The following VAV3 variants were observed in gnomAD, a reference collection of about 807,000 sequenced individuals.
The protein encoded by VAV3 is guanine nucleotide exchange factor VAV3.
In VAV3, 94 loss-of-function variants were observed where a neutral mutation model predicts 131.2. That is an observed-to-expected ratio of 0.72 (90% CI 0.61 to 0.85). VAV3 has a LOEUF of 0.85. Among genes scored for constraint, VAV3 ranks in the 40% least tolerant of loss-of-function variants. The pLI is 0.00. For missense variants in VAV3, 939 were observed against 1,002.7 expected, an observed-to-expected ratio of 0.94 and a Z score of 0.86; for synonymous variants, 349 against 342.0, an observed-to-expected ratio of 1.02 and a Z score of -0.22.
intron 1 of VAV3, among the ~76,000 whole-genome samples, chr1:107,895,403 T>C (rs1188724058): frequency 4.6e-5 from 7 of 152,236 alleles, no homozygotes; most frequent in Non-Finnish European, 1.0e-4. Context: ...TAATAATTAG[T>C]AGAACTAACA....
At chr1:107,738,335 CT>C (rs1172264262) in intron 15 of VAV3, among the ~76,000 whole-genome samples, 7 of 152,024 alleles carry the variant, frequency 4.6e-5, no homozygotes, top group Admixed American at 1.3e-4. Flanking sequence ...CACATGTACC[CT>C]AGAACTTAAA....
intron 20 of VAV3, among the ~76,000 whole-genome samples, chr1:107,630,210 C>G (rs1301645528): frequency 6.6e-6 from 1 of 152,144 alleles, no homozygotes; most frequent in South Asian, 2.1e-4. Context: ...TTCCTTACAT[C>G]ATGGAGGCCT....
chr1:107,745,640 C>T (rs1009459129), intron 15 of VAV3, among the ~76,000 whole-genome samples: 3 of 152,092 alleles, frequency 2.0e-5, no homozygotes, highest in African/African-American at 4.8e-5. Context: ...CATGCTTTTC[C>T]ATGGCCTTAT....
chr1:107,864,362 C>T (rs138444389), intron 2 of VAV3, among the ~76,000 whole-genome samples: 2,417 of 152,236 alleles, frequency 0.016, 47 homozygotes, highest in African/African-American at 0.045. Flanking sequence ...TGGCTCATGC[C>T]TATAATCCAA....
At chr1:107,920,120 C>A (rs984406985) in intron 1 of VAV3, among the ~76,000 whole-genome samples, 18 of 152,122 alleles carry the variant, frequency 1.2e-4, no homozygotes, top group African/African-American at 3.9e-4. Context: ...TACTTTCTTT[C>A]CAGAACATAG....
At chr1:107,859,131 G>A (rs1377003880) in intron 2 of VAV3, among the ~76,000 whole-genome samples, 6 of 149,204 alleles carry the variant, frequency 4.0e-5, no homozygotes, top group Admixed American at 1.3e-4. Flanking sequence ...GTGTCACTCA[G>A]GCTGGAGTAG....
At chr1:107,636,878 C>T (rs890901533) in intron 20 of VAV3, among the ~76,000 whole-genome samples, 1 of 152,134 alleles carries the variant, frequency 6.6e-6, no homozygotes, top group Non-Finnish European at 1.5e-5. Context: ...ACTAACTATA[C>T]TAGCAAAAGA....
At chr1:107,633,397 G>A (rs4915061) in intron 20 of VAV3, among the ~76,000 whole-genome samples, 55,954 of 151,904 alleles carry the variant, frequency 0.37, 10,723 homozygotes, top group East Asian at 0.47. Flanking sequence ...CCACTTATAC[G>A]CACCAAGATC....
chr1:107,768,961 T>C (rs1334876711), intron 6 of VAV3, among the ~76,000 whole-genome samples: 2 of 152,208 alleles, frequency 1.3e-5, no homozygotes, highest in Non-Finnish European at 2.9e-5. Flanking sequence ...ATCTCTTTCA[T>C]TCTCGGCATT....
intron 1 of VAV3, among the ~76,000 whole-genome samples, chr1:107,933,280 TTG>T (rs1673543001): frequency 6.6e-6 from 1 of 151,092 alleles, no homozygotes; most frequent in Admixed American, 6.6e-5. Context: ...GGTGGTTTTT[TTG>T]TGTTTTTTTT....
chr1:107,608,207 A>AAAACT (rs1224674392), intron 22 of VAV3, among the ~76,000 whole-genome samples: 2 of 152,176 alleles, frequency 1.3e-5, no homozygotes, highest in African/African-American at 4.8e-5. Context: ...GGTGCATTTT[A>AAAACT]AAACTAAGGG....
chr1:107,938,094 G>A (rs1028967060), intron 1 of VAV3, among the ~76,000 whole-genome samples: 1 of 152,164 alleles, frequency 6.6e-6, no homozygotes, highest in Non-Finnish European at 1.5e-5. Flanking sequence ...TAACCTTCTT[G>A]GGGAGCCAGG....
At chr1:107,852,157 C>G (rs1409528013) in intron 2 of VAV3, among the ~76,000 whole-genome samples, 1 of 152,076 alleles carries the variant, frequency 6.6e-6, no homozygotes, top group African/African-American at 2.4e-5. Context: ...AAGACTGTAC[C>G]TATACCTTTA....
At chr1:107,626,131 G>T (rs994789500) in intron 20 of VAV3, among the ~76,000 whole-genome samples, 3 of 152,150 alleles carry the variant, frequency 2.0e-5, no homozygotes, top group African/African-American at 7.2e-5. Context: ...AAAAATACAA[G>T]AATTGTTAAC....
rs1649448409 is a variant in VAV3, at chr1:107,574,124, A to T, written c.2425T>A (p.Leu809Met). The change falls in exon 26 of 27, where the codon TTG (leucine) becomes ATG (methionine). Residue 809 changes from leucine (L) to methionine (M), a missense_variant. By Grantham distance (15) the Leu-to-Met change is conservative. Coordinates refer to ENST00000370056, the MANE Select transcript of VAV3 (RefSeq NM_006113.5). ...FCARDMRELS[L>M]LKGDVVKIYT... Reference sequence around the variant, plus strand: ...ATCTTCACCACATCTCCTTTCAACAAGGACAACTCTCTCATATCTCTTGCA... The same window carrying T: ...ATCTTCACCACATCTCCTTTCAACATGGACAACTCTCTCATATCTCTTGCA... 2 of 1,614,134 alleles carry T rather than the reference A, an allele frequency of 1.2e-6. No individual in the cohort carries two copies. The highest frequency in any genetic ancestry group is 3.3e-5 in the Admixed American group (2 of 60,016).
At chr1:107,622,028 A>G (rs999878224) in intron 20 of VAV3, among the ~76,000 whole-genome samples, 1 of 152,176 alleles carries the variant, frequency 6.6e-6, no homozygotes, top group African/African-American at 2.4e-5. Context: ...TTTTCATTCA[A>G]TTATCTGGAG....
intron 24 of VAV3, 89 bp from the exon 25 acceptor site, chr1:107,596,430 T>C: frequency 7.0e-7 from 1 of 1,421,846 alleles, no homozygotes; most frequent in Non-Finnish European, 9.6e-7. Context: ...ACAATAAGGA[T>C]GACCAATTTA....
intron 1 of VAV3, among the ~76,000 whole-genome samples, chr1:107,945,822 C>CA (rs36155213): frequency 0.023 from 290 of 12,744 alleles, 1 homozygote; most frequent in African/African-American, 0.049. Flanking sequence ...AACTCCGACT[C>CA]AAAAAAAAAA....
intron 1 of VAV3, among the ~76,000 whole-genome samples, chr1:107,888,796 A>G (rs375968889): frequency 1.2e-4 from 18 of 152,166 alleles, no homozygotes; most frequent in African/African-American, 3.6e-4. Context: ...ATTCTCATAT[A>G]TATCAGTCAC....
Sources: gnomAD v4.1 joint callset for allele counts (sites outside exome capture counted in the v4.1 genomes callset) on GRCh38, gnomAD v4.1.1 for gene constraint, MANE v1.5 for transcripts, NCBI Gene and HGNC (gene_info 2026-07-23, HGNC 2026-07-21) for gene names.